CROT: variants seen among roughly 807,000 people sequenced by gnomAD.
CROT encodes carnitine O-octanoyltransferase.
In CROT, 84 loss-of-function variants were observed where a neutral mutation model predicts 89.2. The ratio of observed to expected loss-of-function variants is 0.94; its 90% CI spans 0.79 to 1.13. CROT has a LOEUF of 1.13. Ranked by LOEUF, CROT falls within the 50% of genes most tolerant of loss-of-function variation. The pLI is 0.00. For missense variants in CROT, 711 were observed against 727.8 expected (o/e 0.98, Z 0.27); for synonymous variants, 212 against 239.5 (o/e 0.89, Z 1.06).
intron 17 of CROT, among the ~76,000 whole-genome samples, chr7:87,396,815 T>G (rs1807540957): frequency 6.6e-6 from 1 of 152,204 alleles, no homozygotes; most frequent in Non-Finnish European, 1.5e-5. Context: ...ACTGTATATT[T>G]ACACTGTAAA....
rs994005049 is a variant in CROT at position 87,346,416 on chromosome 7, C to G, written c.-36C>G. ...CTCCTGGCAGTCTCAAGCAGTTCAT[C>G]TTCTTGGTGTACTGGTATGTGACAA... On this transcript the variant is annotated 5_prime_UTR_variant, in exon 2 of 18. It adds an upstream start codon to the 5' untranslated region. Transcript: ENST00000331536. 7 of 152,344 alleles carry G rather than the reference C, an allele frequency of 4.6e-5. 1 individual carries two copies. The highest frequency in any genetic ancestry group is 1.7e-4 in the African/African-American group (7 of 41,574). The allele number at this position is 152,344 out of a possible 1,614,324, so 9.4% of individuals were successfully genotyped here.
At position 87,363,006 on chromosome 7, in the gene CROT, G is replaced by A. The variant is rs1160248686; in HGVS notation, c.547+1154G>A. 3.9e-5 allele frequency among the ~76,000 whole-genome samples: 6 copies of A among 152,198 alleles called. No individual in the cohort carries two copies. In the South Asian group the frequency reaches 6.2e-4, roughly 16 times the overall value. On this transcript the variant is annotated intron_variant, in intron 6 of 17. Coordinates refer to ENST00000331536, the MANE Select transcript of CROT (RefSeq NM_021151.4). The stretch of plus-strand genomic sequence containing the variant: ...AGTTATTCATGGTCTAAAGTTTAAT[G>A]TGCAAATATGAATGGAAAAAATGAA...
At chr7:87,382,587 GGGT>G in intron 13 of CROT, 44 bp downstream of exon 13, 1 of 1,555,384 alleles carries the variant, frequency 6.4e-7, no homozygotes, top group South Asian at 1.2e-5. Flanking sequence ...TGAAGTCCAA[GGGT>G]ATATCTTTTT....
At position 87,394,713 on chromosome 7, in the gene CROT, A is replaced by G. The variant is rs139340522; in HGVS notation, c.1718+1646A>G. 4.7e-3 allele frequency among the ~76,000 whole-genome samples: 711 copies of G among 152,238 alleles called. 13 individuals are homozygous for G. In the South Asian group the frequency reaches 0.063, roughly 13 times the overall value. On this transcript the variant is annotated intron_variant, in intron 17 of 17. Transcript: ENST00000331536. ...GCAAAAAAAATGCCTTTCTTGCTATAAAAAGGCATACCTATAGACTCTACT... is the reference window on the plus strand; with the variant it reads ...GCAAAAAAAATGCCTTTCTTGCTATGAAAAGGCATACCTATAGACTCTACT...
intron 3 of CROT, chr7:87,354,399 A>G (rs7808249): frequency 0.67 from 348,798 of 517,266 alleles, 118,299 homozygotes; most frequent in East Asian, 0.73. Context: ...GCTTGGATTT[A>G]ACTGGACCTA....
At position 87,361,550 on chromosome 7, in the gene CROT, A is replaced by G. The variant is rs963239444; in HGVS notation, c.401A>G (p.Asn134Ser). The G allele has an allele frequency of 3.8e-6, 6 of 1,597,240 alleles. No individual in the cohort carries two copies. Among genetic ancestry groups the G allele is most frequent in the Non-Finnish European group, 5.1e-6 (6 of 1,172,464 alleles). ...RGSITLWHNL[N>S]YWQLLRKEKV... Reference sequence around the variant, plus strand: ...AGTATAACTCTTTGGCATAACTTGAACTACTGGCAGCTATTAAGAAAGTAA... The same window carrying G: ...AGTATAACTCTTTGGCATAACTTGAGCTACTGGCAGCTATTAAGAAAGTAA... Residue 134 changes from asparagine (N) to serine (S), a missense_variant, in exon 5 of 18, where the codon AAC (asparagine) becomes AGC (serine). Coordinates refer to ENST00000331536, the MANE Select transcript of CROT (RefSeq NM_021151.4).
At chr7:87,373,184 G>A (rs574388239) in intron 7 of CROT, among the ~76,000 whole-genome samples, 2 of 152,134 alleles carry the variant, frequency 1.3e-5, no homozygotes, top group South Asian at 2.1e-4. Context: ...GTTTATATTT[G>A]ATAATGATGT....
chr7:87,360,248 A>G (rs1806226915), intron 4 of CROT: 1 of 292,460 alleles, frequency 3.4e-6, no homozygotes. Flanking sequence ...ATGGAATTCA[A>G]TTGCATATTG....
chr7:87,397,519 A>T (rs546443049), intron 17 of CROT, among the ~76,000 whole-genome samples: 100 of 152,286 alleles, frequency 6.6e-4, no homozygotes, highest in Middle Eastern at 3.4e-3. Context: ...AAATTTTTTT[A>T]AAAAATTGAC....
At position 87,377,359 on chromosome 7, in the gene CROT, C is replaced by A. The variant is rs771581885; in HGVS notation, c.887C>A (p.Ala296Asp). ...TTAAATTTATTTTAGATTATTGCAG[C>A]CATCCTTATTGGAGATCCAACAGTA... ...TPEDYSEIIA[A>D]ILIGDPTVRW... The change falls in exon 10 of 18, where the codon GCC becomes GAC. Residue 296 changes from alanine (A) to aspartate (D), a missense_variant. Ala to Asp is a moderately radical substitution (Grantham distance 126). Transcript: ENST00000331536. 1.0e-5 allele frequency: 16 copies of A among 1,595,624 alleles called. No homozygotes were observed. Among genetic ancestry groups the A allele is most frequent in the Non-Finnish European group, 1.4e-5 (16 of 1,167,928 alleles).
chr7:87,372,010 A>C (rs944491094), intron 7 of CROT, among the ~76,000 whole-genome samples: 2 of 149,982 alleles, frequency 1.3e-5, no homozygotes, highest in African/African-American at 4.9e-5. Context: ...AAAAAAACAA[A>C]AAAAAAAAAA....
intron 13 of CROT, among the ~76,000 whole-genome samples, chr7:87,389,668 T>C (rs1807299239): frequency 6.6e-6 from 1 of 152,158 alleles, no homozygotes; most frequent in Non-Finnish European, 1.5e-5. Flanking sequence ...AAATGCCTAA[T>C]GTAGATGATG....
chr7:87,355,615 G>A (rs1806043690), intron 3 of CROT, among the ~76,000 whole-genome samples: 1 of 152,068 alleles, frequency 6.6e-6, no homozygotes, highest in Admixed American at 6.5e-5. Flanking sequence ...AAAATGACAG[G>A]TGTAAACTTC....
rs1479103576 is a variant in CROT at position 87,369,421 on chromosome 7, G to A, written c.593G>A (p.Gly198Asp). 1.2e-6 allele frequency: 2 copies of A among 1,613,162 alleles called. No individual in the cohort carries two copies. Among genetic ancestry groups the A allele is most frequent in the South Asian group, 2.2e-5 (2 of 90,994 alleles). ...SPNHIVVLCR[G>D]RAFVFDVIHE... ...AACCACATTGTAGTGCTGTGTCGAGGCCGAGCTTTTGTCTTTGATGTAATA... is the reference window on the plus strand; with the variant it reads ...AACCACATTGTAGTGCTGTGTCGAGACCGAGCTTTTGTCTTTGATGTAATA... Residue 198 changes from glycine to aspartate, a missense_variant, in exon 7 of 18, where the codon GGC becomes GAC. Gly to Asp is a moderately conservative substitution (Grantham distance 94). Coordinates refer to ENST00000331536, the MANE Select transcript of CROT (RefSeq NM_021151.4).
chr7:87,380,395 G>A (rs1256757042), intron 10 of CROT, among the ~76,000 whole-genome samples: 2 of 151,372 alleles, frequency 1.3e-5, no homozygotes, highest in African/African-American at 4.9e-5. Flanking sequence ...TAGATCCTTG[G>A]TAAGTACTGT....
At chr7:87,357,633 C>G (rs760534407) in intron 3 of CROT, 45 of 808,596 alleles carry the variant, frequency 5.6e-5, no homozygotes, top group Non-Finnish European at 8.6e-5. Flanking sequence ...TTATTGAAAG[C>G]TACTCCATTG....
At chr7:87,382,747 A>G (rs1807060789) in intron 13 of CROT, among the ~76,000 whole-genome samples, 2 of 152,172 alleles carry the variant, frequency 1.3e-5, no homozygotes, top group Middle Eastern at 3.2e-3. Context: ...TTATCACAGT[A>G]TCCACTTGAT....
In CROT at chr7:87,382,440, G is replaced by T; in HGVS notation, c.1198G>T (p.Ala400Ser). ...EASDLQIAAYAFTSFGKKLTK... is the reference protein window; with the variant it reads ...EASDLQIAAYSFTSFGKKLTK... Reference sequence around the variant, plus strand: ...ATCTGATCTACAGATTGCGGCTTATGCCTTTACATCTTTTGGCAAAAAGCT... The same window carrying T: ...ATCTGATCTACAGATTGCGGCTTATTCCTTTACATCTTTTGGCAAAAAGCT... Residue 400 changes from alanine (A) to serine (S), a missense_variant, in exon 13 of 18, where the codon GCC (alanine) becomes TCC (serine). Physicochemically the swap from Ala to Ser is moderately conservative, Grantham distance 99 (BLOSUM62 1). Coordinates refer to ENST00000331536, the MANE Select transcript of CROT (RefSeq NM_021151.4). 1.2e-6 allele frequency: 2 copies of T among 1,613,698 alleles called. No homozygotes were observed. Among genetic ancestry groups the T allele is most frequent in the Non-Finnish European group, 1.7e-6 (2 of 1,179,824 alleles).
chr7:87,372,011 A>G (rs1328610079), intron 7 of CROT, among the ~76,000 whole-genome samples: 1 of 151,250 alleles, frequency 6.6e-6, no homozygotes, highest in Non-Finnish European at 1.5e-5. Flanking sequence ...AAAAAACAAA[A>G]AAAAAAAAAC....
Sources: allele counts gnomAD v4.1 joint callset (sites outside exome capture counted in the v4.1 genomes callset), GRCh38; gene constraint gnomAD v4.1.1; transcripts MANE v1.5; gene names NCBI Gene and HGNC (gene_info 2026-07-23, HGNC 2026-07-21).